ST8SIA4: variants seen among roughly 807,000 people sequenced by gnomAD.
The protein encoded by ST8SIA4 is ST8 alpha-N-acetyl-neuraminide alpha-2,8-sialyltransferase 4.
Under a neutral mutation model 33.9 loss-of-function variants are expected in ST8SIA4, and 15 were observed. The ratio of observed to expected loss-of-function variants is 0.44; its 90% confidence interval spans 0.30 to 0.68. The LOEUF is 0.68. Ranked by LOEUF, ST8SIA4 falls within the 30% of genes least tolerant of loss-of-function variation. The pLI, the probability that ST8SIA4 is intolerant of heterozygous loss-of-function variation, is 0.10. For missense variants in ST8SIA4, 321 were observed against 428.0 expected, an observed-to-expected ratio of 0.75 and a Z score of 2.21; for synonymous variants, 171 against 151.2, an observed-to-expected ratio of 1.13 and a Z score of -0.96.
At chr5:100,817,109 A>ATTTTT (rs57222657) in intron 4 of ST8SIA4, among the ~76,000 whole-genome samples, 14 of 74,322 alleles carry the variant, frequency 1.9e-4, no homozygotes, top group South Asian at 6.4e-4. Flanking sequence ...CACCCAGCTA[A>ATTTTT]TTTTTTTTTT....
intron 4 of ST8SIA4, among the ~76,000 whole-genome samples, chr5:100,840,934 T>C (rs1751458917): frequency 6.6e-6 from 1 of 151,772 alleles, no homozygotes; most frequent in Non-Finnish European, 1.5e-5. Flanking sequence ...ACCTAATCCA[T>C]TTGCAATCAC....
At chr5:100,885,520 A>G (rs1752517692) in intron 3 of ST8SIA4, 3 of 934,390 alleles carry the variant, frequency 3.2e-6, no homozygotes, top group Admixed American at 6.2e-5. Context: ...CAACATGTCA[A>G]CTCAGCATAC....
intron 4 of ST8SIA4, among the ~76,000 whole-genome samples, chr5:100,850,547 A>G (rs946129562): frequency 5.3e-5 from 8 of 151,988 alleles, no homozygotes. Context: ...AATAATTAGC[A>G]GGGGCCAAAG....
intron 3 of ST8SIA4, chr5:100,885,882 T>C (rs759139896): frequency 2.3e-6 from 2 of 872,512 alleles, no homozygotes; most frequent in Non-Finnish European, 2.8e-6. Flanking sequence ...GGATATCAAA[T>C]ATAAACTTGC....
At chr5:100,847,911 T>C (rs1340736797) in intron 4 of ST8SIA4, among the ~76,000 whole-genome samples, 2 of 152,056 alleles carry the variant, frequency 1.3e-5, no homozygotes, top group Non-Finnish European at 2.9e-5. Flanking sequence ...CCTGGGCGGG[T>C]ACATTAAGTG....
At chr5:100,858,432 C>T (rs908813288) in intron 3 of ST8SIA4, among the ~76,000 whole-genome samples, 5 of 151,926 alleles carry the variant, frequency 3.3e-5, no homozygotes. Flanking sequence ...CTAGTAAAAA[C>T]CAACCCAATT....
At chr5:100,866,702 T>C (rs948734242) in intron 3 of ST8SIA4, among the ~76,000 whole-genome samples, 2 of 151,910 alleles carry the variant, frequency 1.3e-5, no homozygotes, top group African/African-American at 4.8e-5. Flanking sequence ...ACTACAATCA[T>C]ATGTACTTTA....
chr5:100,866,350 T>C (rs544452581), intron 3 of ST8SIA4, among the ~76,000 whole-genome samples: 3 of 152,218 alleles, frequency 2.0e-5, no homozygotes, highest in South Asian at 4.1e-4. Context: ...AATGGAAATA[T>C]TTGAAGTTAA....
chr5:100,887,602 T>A (rs1486426702), intron 2 of ST8SIA4, among the ~76,000 whole-genome samples: 2 of 151,894 alleles, frequency 1.3e-5, no homozygotes, highest in African/African-American at 2.4e-5. Flanking sequence ...AGTAGGTAGA[T>A]GATGGAAAAT....
At chr5:100,850,996 G>A (rs1580462090) in intron 4 of ST8SIA4, among the ~76,000 whole-genome samples, 1 of 105,120 alleles carries the variant, frequency 9.5e-6, no homozygotes, top group South Asian at 3.1e-4. Context: ...ATCTCATGCT[G>A]TTGCCCAGGG....
At chr5:100,821,874 C>G (rs900147135) in intron 4 of ST8SIA4, among the ~76,000 whole-genome samples, 5 of 152,204 alleles carry the variant, frequency 3.3e-5, no homozygotes, top group African/African-American at 1.2e-4. Context: ...ACTGTAGGAA[C>G]TGCCCATTTA....
intron 4 of ST8SIA4, chr5:100,816,640 T>TATC: frequency 4.0e-6 from 2 of 501,562 alleles, no homozygotes; most frequent in South Asian, 3.1e-5. Flanking sequence ...AGAATTTGAA[T>TATC]ATCAAGGATG....
chr5:100,853,570 G>GCAAA (rs1256223409), intron 4 of ST8SIA4, among the ~76,000 whole-genome samples: 1 of 152,148 alleles, frequency 6.6e-6, no homozygotes, highest in Non-Finnish European at 1.5e-5. Flanking sequence ...TCAGAAGTTT[G>GCAAA]GCCTTGTTGC....
chr5:100,858,238 T>C (rs1198109275), intron 3 of ST8SIA4, among the ~76,000 whole-genome samples: 2 of 152,040 alleles, frequency 1.3e-5, no homozygotes, highest in African/African-American at 4.8e-5. Flanking sequence ...GACATCATTA[T>C]TACTGACACT....
In ST8SIA4 at chr5:100,886,592, A is replaced by C; in HGVS notation, c.254T>G (p.Ile85Arg). 1 of 1,612,544 alleles carries C rather than the reference A, an allele frequency of 6.2e-7. No homozygotes were observed. The highest frequency in any genetic ancestry group is 8.5e-7 in the Non-Finnish European group (1 of 1,178,700). Reference sequence around the variant, plus strand: ...TCGTTCTGCATCTAAGAAACGAAGTATGTTCTTCCTGTATTTGAAATACAA... The same window carrying C: ...TCGTTCTGCATCTAAGAAACGAAGTCTGTTCTTCCTGTATTTGAAATACAA... ...SSLVLEIRKN[I>R]LRFLDAERDV... Residue 85 changes from isoleucine to arginine, a missense_variant, in exon 3 of 5, where the codon ATA becomes AGA. Coordinates refer to ENST00000231461, the MANE Select transcript of ST8SIA4 (RefSeq NM_005668.6).
rs1011333618 is a variant in ST8SIA4 at position 100,810,029 on chromosome 5, C to CAT, written c.*1816_*1817dup. The CAT allele has an allele frequency of 1.8e-4, 28 of 152,062 alleles. No individual in the cohort carries two copies. The highest frequency in any genetic ancestry group is 6.3e-4 in the African/African-American group (26 of 41,496). 9.4% of individuals were successfully genotyped at this position (152,062 alleles called of 1,614,324 possible). A position where few individuals can be genotyped will look rare whatever the true frequency, so the allele number is the denominator to read the frequency against. On this transcript the variant is annotated 3_prime_UTR_variant, in exon 5 of 5. Transcript: ENST00000231461. ...AGACTGTTTTCCCTAAGAAACAAAA[C>CAT]ATATATATTCCCCATGCCATTTCTT...
chr5:100,845,349 A>G (rs1239129144), intron 4 of ST8SIA4, among the ~76,000 whole-genome samples: 1 of 151,798 alleles, frequency 6.6e-6, no homozygotes, highest in Non-Finnish European at 1.5e-5. Context: ...TTATATTTGC[A>G]TTTAACTTTA....
chr5:100,816,531 G>T (rs370502955), intron 4 of ST8SIA4: 12 of 526,130 alleles, frequency 2.3e-5, no homozygotes, highest in African/African-American at 1.8e-4. Context: ...TGAAAGTAAT[G>T]ACAAAAACTG....
intron 2 of ST8SIA4, among the ~76,000 whole-genome samples, chr5:100,891,751 A>C (rs1367322947): frequency 6.6e-6 from 1 of 152,004 alleles, no homozygotes; most frequent in African/African-American, 2.4e-5. Flanking sequence ...GGGTACTAAA[A>C]TATATTCTTA....
Sources: allele counts gnomAD v4.1 joint callset (sites outside exome capture counted in the v4.1 genomes callset), GRCh38; gene constraint gnomAD v4.1.1; transcripts MANE v1.5; gene names NCBI Gene and HGNC (gene_info 2026-07-23, HGNC 2026-07-21).